LAMA2: variants seen among roughly 807,000 people sequenced by gnomAD.
LAMA2 encodes laminin subunit alpha-2.
LAMA2 carries 269 observed loss-of-function variants against 364.8 expected under a neutral mutation model. The ratio of observed to expected loss-of-function variants is 0.74; its 90% CI spans 0.67 to 0.82. The LOEUF (loss-of-function observed/expected upper bound fraction) is 0.82. Among genes scored for constraint, LAMA2 ranks in the 40% least tolerant of loss-of-function variants. LAMA2 has a pLI of 0.00. For missense variants in LAMA2, 3,807 were observed against 3,873.2 expected, an observed-to-expected ratio of 0.98 and a Z score of 0.45; for synonymous variants, 1,379 against 1,370.6, an observed-to-expected ratio of 1.01 and a Z score of -0.14.
At chr6:129,187,998 A>G (rs2115030634) in intron 10 of LAMA2, among the ~76,000 whole-genome samples, 1 of 151,948 alleles carries the variant, frequency 6.6e-6, no homozygotes, top group East Asian at 1.9e-4. Context: ...GAATTTTTAA[A>G]CCATGCTTCA....
At chr6:128,888,312 G>C (rs1776264188) in intron 1 of LAMA2, among the ~76,000 whole-genome samples, 1 of 152,194 alleles carries the variant, frequency 6.6e-6, no homozygotes, top group African/African-American at 2.4e-5. Flanking sequence ...TGTGGTAAAT[G>C]AATGAATGTT....
rs371423399 is a variant in LAMA2, at chr6:129,321,918, A to C, written c.4176+1263A>C. 4.6e-4 allele frequency among the ~76,000 whole-genome samples: 70 copies of C among 152,280 alleles called. No individual in the cohort carries two copies. The South Asian group carries it at 0.014, about 30-fold the overall frequency. On this transcript the variant is annotated intron_variant, in intron 28 of 64. Coordinates refer to ENST00000421865, the MANE Select transcript of LAMA2 (RefSeq NM_000426.4). ...AATTTGGTTTCAGTGAATCCTACCT[A>C]GCTGCACTACTTGGACAGGTTACTT...
At chr6:129,395,329 G>T (rs1295083216) in intron 37 of LAMA2, among the ~76,000 whole-genome samples, 1 of 152,126 alleles carries the variant, frequency 6.6e-6, no homozygotes, top group Non-Finnish European at 1.5e-5. Flanking sequence ...TTTATTTTAA[G>T]GTGGCATGTA....
rs576381071 is a variant in LAMA2, at chr6:129,417,313, G to T, written c.5866-10439G>T. 2.0e-5 allele frequency among the ~76,000 whole-genome samples: 3 copies of T among 152,190 alleles called. No individual in the cohort carries two copies. In the South Asian group the frequency reaches 6.2e-4, roughly 32 times the overall value. On this transcript the variant is annotated intron_variant, in intron 40 of 64. Coordinates refer to ENST00000421865, the MANE Select transcript of LAMA2 (RefSeq NM_000426.4). ...ATGGGTAGCTCCGTTCCACAGGCAG[G>T]TAATTCCAGCATCTGTGCAGCACCC...
At chr6:129,248,193 G>A (rs1365260653) in intron 12 of LAMA2, among the ~76,000 whole-genome samples, 2 of 152,138 alleles carry the variant, frequency 1.3e-5, no homozygotes, top group African/African-American at 2.4e-5. Flanking sequence ...TCTAATGCCC[G>A]ATGATCTGAT....
At chr6:129,314,421 T>TAAAAAAAAAAAAAAAAAAAAAAAAAAAA (rs1774442307) in intron 23 of LAMA2, among the ~76,000 whole-genome samples, 1 of 94,616 alleles carries the variant, frequency 1.1e-5, no homozygotes, top group African/African-American at 4.0e-5. Flanking sequence ...AAAAAAAAAG[T>TAAAAAAAAAAAAAAAAAAAAAAAAAAAA]ACAATACCTT....
intron 4 of LAMA2, among the ~76,000 whole-genome samples, chr6:129,116,827 A>G (rs1428120394): frequency 1.3e-5 from 2 of 152,090 alleles, no homozygotes; most frequent in Non-Finnish European, 2.9e-5. Context: ...TTGGTGCTCA[A>G]TAATACTAGA....
chr6:129,417,196 T>C (rs964262715), intron 40 of LAMA2, among the ~76,000 whole-genome samples: 2 of 152,128 alleles, frequency 1.3e-5, no homozygotes, highest in African/African-American at 4.8e-5. Context: ...TTGTCCCACA[T>C]CCTGGAAGAA....
intron 3 of LAMA2, among the ~76,000 whole-genome samples, chr6:129,064,497 CA>C (rs1789162407): frequency 6.6e-6 from 1 of 151,670 alleles, no homozygotes; most frequent in South Asian, 2.1e-4. Context: ...AAGAGATTAG[CA>C]AAACTGTCAC....
At chr6:129,338,179 T>C (rs910849598) in intron 29 of LAMA2, among the ~76,000 whole-genome samples, 1 of 152,198 alleles carries the variant, frequency 6.6e-6, no homozygotes, top group Non-Finnish European at 1.5e-5. Flanking sequence ...TTATTGGCTT[T>C]AAGGATTTTA....
intron 12 of LAMA2, among the ~76,000 whole-genome samples, chr6:129,194,427 T>C (rs749030750): frequency 1.4e-4 from 22 of 152,188 alleles, no homozygotes; most frequent in Non-Finnish European, 3.1e-4. Context: ...GCAAATGGAA[T>C]ATTCGGTAGA....
chr6:129,093,542 A>G (rs555859781), intron 3 of LAMA2, among the ~76,000 whole-genome samples: 2 of 152,266 alleles, frequency 1.3e-5, no homozygotes, highest in Admixed American at 6.5e-5. Context: ...GCATAACTCT[A>G]TGTGATGATC....
At chr6:128,891,229 AT>A (rs752936924) in intron 1 of LAMA2, among the ~76,000 whole-genome samples, 1 of 152,126 alleles carries the variant, frequency 6.6e-6, no homozygotes, top group Non-Finnish European at 1.5e-5. Flanking sequence ...CAAAGAATAA[AT>A]TATAAATGAG....
intron 63 of LAMA2, 49 bp downstream of exon 63, chr6:129,512,542 A>G: frequency 6.3e-7 from 1 of 1,590,396 alleles, no homozygotes; most frequent in Non-Finnish European, 8.6e-7. Flanking sequence ...GATATTGTTG[A>G]TGTGTAGATA....
At chr6:129,502,569 G>A (rs937179454) in intron 58 of LAMA2, 90 bp from the exon 59 acceptor site, 29 of 829,972 alleles carry the variant, frequency 3.5e-5, no homozygotes, top group Middle Eastern at 2.2e-4. Context: ...AAAGAATTAC[G>A]CTAATATGTA....
chr6:129,014,330 G>A (rs547077591), intron 1 of LAMA2, among the ~76,000 whole-genome samples: 1 of 152,232 alleles, frequency 6.6e-6, no homozygotes, highest in South Asian at 2.1e-4. Context: ...ACCTAGAACT[G>A]CATTTGTCCC....
intron 33 of LAMA2, 34 bp from the exon 34 acceptor site, chr6:129,369,858 A>T: frequency 6.4e-7 from 1 of 1,566,936 alleles, no homozygotes; most frequent in Non-Finnish European, 8.8e-7. Context: ...AAGGCCATTT[A>T]CTAAAAATGT....
At chr6:128,985,761 T>C (rs1166965262) in intron 1 of LAMA2, among the ~76,000 whole-genome samples, 2 of 152,264 alleles carry the variant, frequency 1.3e-5, no homozygotes, top group African/African-American at 4.8e-5. Context: ...TCATATAATC[T>C]GTAATCTGCA....
intron 20 of LAMA2, among the ~76,000 whole-genome samples, chr6:129,297,061 C>T (rs938954911): frequency 6.6e-6 from 1 of 152,128 alleles, no homozygotes; most frequent in Non-Finnish European, 1.5e-5. Flanking sequence ...TCTCACTAAT[C>T]AATTTCAATT....
Sources: allele counts gnomAD v4.1 joint callset (sites outside exome capture counted in the v4.1 genomes callset), GRCh38; gene constraint gnomAD v4.1.1; transcripts MANE v1.5; gene names NCBI Gene and HGNC (gene_info 2026-07-23, HGNC 2026-07-21).